The following DLGAP1 variants were observed in gnomAD, a reference collection of about 807,000 sequenced individuals.
DLGAP1 encodes DLG associated protein 1, also known as disks large-associated protein 1.
DLGAP1 carries 11 observed loss-of-function variants against 90.8 expected under a neutral mutation model. The ratio of observed to expected loss-of-function variants is 0.12; its 90% CI spans 0.08 to 0.20. The LOEUF is 0.20. DLGAP1 is among the 10% of genes least tolerant of loss of function. DLGAP1 has a pLI of 1.00. For synonymous variants in DLGAP1, 558 were observed against 540.7 expected, an observed-to-expected ratio of 1.03 and a Z score of -0.44; for missense variants, 1,050 against 1,333.8, an observed-to-expected ratio of 0.79 and a Z score of 3.31.
At chr18:4,134,370 G>T (rs1035130092) in intron 2 of DLGAP1, among the ~76,000 whole-genome samples, 1 of 152,026 alleles carries the variant, frequency 6.6e-6, no homozygotes, top group African/African-American at 2.4e-5. Context: ...TTACTCTTAA[G>T]ATTCTATTGG....
At chr18:3,821,803 T>C (rs974042991) in intron 4 of DLGAP1, 1 of 653,766 alleles carries the variant, frequency 1.5e-6, no homozygotes. Flanking sequence ...CCCTGGACTT[T>C]AGGTTCCTGC....
At position 4,398,998 on chromosome 18, in the gene DLGAP1, A is replaced by AT. The variant is rs569973919; in HGVS notation, c.-267+56007dup. 2.0e-5 allele frequency among the ~76,000 whole-genome samples: 3 copies of AT among 152,016 alleles called. No individual in the cohort carries two copies. In the South Asian group the frequency reaches 6.2e-4, roughly 32 times the overall value. The stretch of plus-strand genomic sequence containing the variant: ...AAGCGCGCACCACTACGCCTGGTTA[A>AT]TTTTTTTTATTTTAGTAGAGAAGGG... On this transcript the variant is annotated intron_variant, in intron 1 of 12. Coordinates refer to ENST00000315677, the MANE Select transcript of DLGAP1 (RefSeq NM_004746.4).
At chr18:4,424,289 T>A (rs1346351981) in intron 1 of DLGAP1, among the ~76,000 whole-genome samples, 1 of 152,208 alleles carries the variant, frequency 6.6e-6, no homozygotes, top group Non-Finnish European at 1.5e-5. Flanking sequence ...AATAGGGAAC[T>A]AAGCAAACTT....
At chr18:3,513,555 C>G (rs548705824) in intron 10 of DLGAP1, among the ~76,000 whole-genome samples, 2 of 152,164 alleles carry the variant, frequency 1.3e-5, no homozygotes, top group African/African-American at 4.8e-5. Flanking sequence ...TGATCACTGT[C>G]CCACATTAGG....
intron 1 of DLGAP1, among the ~76,000 whole-genome samples, chr18:4,335,405 C>CA (rs2081048681): frequency 6.6e-6 from 1 of 151,932 alleles, no homozygotes; most frequent in Admixed American, 6.6e-5. Context: ...GTGCCTTGCA[C>CA]AGTATCAGTA....
chr18:4,023,985 T>C (rs891483534), intron 2 of DLGAP1, among the ~76,000 whole-genome samples: 3 of 152,218 alleles, frequency 2.0e-5, no homozygotes, highest in Non-Finnish European at 4.4e-5. Flanking sequence ...GTATTTTTCT[T>C]CCCCTCTCTC....
intron 1 of DLGAP1, among the ~76,000 whole-genome samples, chr18:4,286,525 G>A (rs1222481852): frequency 2.6e-5 from 4 of 151,122 alleles, no homozygotes; most frequent in Non-Finnish European, 4.4e-5. Flanking sequence ...GAATTTCAGA[G>A]CAGAAGGAGT....
At chr18:4,436,463 C>T (rs578229253) in intron 1 of DLGAP1, among the ~76,000 whole-genome samples, 1 of 151,946 alleles carries the variant, frequency 6.6e-6, no homozygotes, top group Non-Finnish European at 1.5e-5. Flanking sequence ...CCAGGTGATG[C>T]GATGTTGCTG....
intron 1 of DLGAP1, among the ~76,000 whole-genome samples, chr18:4,207,120 C>A (rs2077735945): frequency 6.6e-6 from 1 of 152,102 alleles, no homozygotes; most frequent in Non-Finnish European, 1.5e-5. Flanking sequence ...AGTCTGTTCT[C>A]ACGCTGCTAA....
chr18:4,024,065 CT>C (rs2074659590), intron 2 of DLGAP1, among the ~76,000 whole-genome samples: 1 of 152,076 alleles, frequency 6.6e-6, no homozygotes, highest in Non-Finnish European at 1.5e-5. Flanking sequence ...ATTTCAAAAG[CT>C]TTGAAAAATT....
intron 7 of DLGAP1, among the ~76,000 whole-genome samples, chr18:3,697,336 A>C (rs1473490502): frequency 6.6e-6 from 1 of 152,100 alleles, no homozygotes; most frequent in East Asian, 1.9e-4. Flanking sequence ...TAGTGCTATA[A>C]ATTTCCCTCT....
chr18:4,432,068 CTT>C (rs2144757007), intron 1 of DLGAP1, among the ~76,000 whole-genome samples: 1 of 152,192 alleles, frequency 6.6e-6, no homozygotes, highest in East Asian at 1.9e-4. Flanking sequence ...GTGGTGGTGT[CTT>C]ATACTTTTTG....
intron 1 of DLGAP1, among the ~76,000 whole-genome samples, chr18:4,167,952 T>C (rs902782172): frequency 1.3e-5 from 2 of 152,178 alleles, no homozygotes; most frequent in African/African-American, 2.4e-5. Context: ...TTGAAATAAA[T>C]GGAAAGACAT....
At chr18:4,344,343 GA>G (rs1400155965) in intron 1 of DLGAP1, among the ~76,000 whole-genome samples, 1 of 152,120 alleles carries the variant, frequency 6.6e-6, no homozygotes, top group Non-Finnish European at 1.5e-5. Context: ...CGCGATGCTA[GA>G]AAGTGGCAGA....
At chr18:3,551,176 T>TATATATATATATATATATATATAC (rs1478108279) in intron 9 of DLGAP1, among the ~76,000 whole-genome samples, 6 of 4,136 alleles carry the variant, frequency 1.5e-3, no homozygotes, top group Admixed American at 5.2e-3. Flanking sequence ...TATATATATA[T>TATATATATATATATATATATATAC]ACACATACAT....
rs148118844 is a variant in DLGAP1, at chr18:3,727,814, G to A, written c.1591+1321C>T. 6 of 152,076 alleles carry A rather than the reference G, an allele frequency of 3.9e-5. No homozygotes were observed. Among genetic ancestry groups the A allele is most frequent in the African/African-American group, 1.4e-4 (6 of 41,470 alleles). 9.4% of individuals were successfully genotyped at this position (152,076 alleles called of 1,614,324 possible). A position where few individuals can be genotyped will look rare whatever the true frequency, so the allele number is the denominator to read the frequency against. Reference sequence around the variant, plus strand: ...AATTTCCTAGTGAGCAAGAATATACGGACATCTACCATCTCTGGTCTGGAG... The same window carrying A: ...AATTTCCTAGTGAGCAAGAATATACAGACATCTACCATCTCTGGTCTGGAG... On this transcript the variant is annotated intron_variant, in intron 7 of 12. Transcript: ENST00000315677. The surrounding 1 kb of genome is among the most constrained non-coding windows in gnomAD (Gnocchi z 4.7).
intron 1 of DLGAP1, among the ~76,000 whole-genome samples, chr18:4,449,763 C>A (rs2083772148): frequency 6.6e-6 from 1 of 152,164 alleles, no homozygotes; most frequent in Non-Finnish European, 1.5e-5. Context: ...AAACAGCATT[C>A]AGCTGGAGAC....
intron 7 of DLGAP1, among the ~76,000 whole-genome samples, chr18:3,643,707 A>G (rs1164700929): frequency 6.6e-6 from 1 of 151,446 alleles, no homozygotes; most frequent in Non-Finnish European, 1.5e-5. Context: ...ATGACATGAC[A>G]GTTCATTGAA....
intron 9 of DLGAP1, among the ~76,000 whole-genome samples, chr18:3,552,277 T>A (rs2053518859): frequency 6.6e-6 from 1 of 152,176 alleles, no homozygotes; most frequent in African/African-American, 2.4e-5. Context: ...TGAACAATTT[T>A]TGTTTCTAGT....
Sources: allele counts gnomAD v4.1 joint callset (sites outside exome capture counted in the v4.1 genomes callset), GRCh38; gene constraint gnomAD v4.1.1; non-coding constraint Gnocchi (gnomAD v3.1); transcripts MANE v1.5; gene names NCBI Gene and HGNC (gene_info 2026-07-23, HGNC 2026-07-21).